Variants in SPAG16 observed in about 807,000 individuals in gnomAD.
SPAG16 encodes the protein sperm associated antigen 16.
A neutral mutation model predicts 80.4 loss-of-function variants in SPAG16; 86 were observed. That is an observed-to-expected ratio of 1.07 (90% confidence interval 0.90 to 1.28). The LOEUF is 1.28. Ranked by LOEUF, SPAG16 falls within the 50% of genes most tolerant of loss-of-function variation. SPAG16 has a pLI of 0.00. For synonymous variants in SPAG16, 294 were observed against 265.9 expected, an observed-to-expected ratio of 1.11 and a Z score of -1.03; for missense variants, 870 against 765.3, an observed-to-expected ratio of 1.14 and a Z score of -1.61.
At chr2:214,002,876 C>A (rs2046856483) in intron 12 of SPAG16, among the ~76,000 whole-genome samples, 1 of 152,166 alleles carries the variant, frequency 6.6e-6, no homozygotes, top group African/African-American at 2.4e-5. Flanking sequence ...TCTAGAAACA[C>A]CTTCACAGAC....
At chr2:213,868,249 ATT>A (rs72309764) in intron 11 of SPAG16, among the ~76,000 whole-genome samples, 90,054 of 151,362 alleles carry the variant, frequency 0.59, 28,629 homozygotes, top group South Asian at 0.85. Context: ...AAAAATGAGA[ATT>A]TTTTTTTTAT....
chr2:214,064,146 G>T (rs1393203233), intron 13 of SPAG16, among the ~76,000 whole-genome samples: 1 of 152,090 alleles, frequency 6.6e-6, no homozygotes, highest in East Asian at 1.9e-4. Context: ...CGTGTCTTTG[G>T]ATATGAGTAT....
At chr2:213,468,547 GTATT>G (rs1181121858) in intron 9 of SPAG16, among the ~76,000 whole-genome samples, 5 of 123,534 alleles carry the variant, frequency 4.0e-5, no homozygotes, top group Admixed American at 7.8e-5. Flanking sequence ...ATATATATAT[GTATT>G]TATATATAGA....
intron 15 of SPAG16, among the ~76,000 whole-genome samples, chr2:214,343,502 T>A (rs1697850343): frequency 6.6e-6 from 1 of 152,110 alleles, no homozygotes; most frequent in Non-Finnish European, 1.5e-5. Flanking sequence ...ATAAAATACA[T>A]GGCAAAACAC....
chr2:214,398,798 G>C (rs1701541908), intron 15 of SPAG16, among the ~76,000 whole-genome samples: 1 of 152,112 alleles, frequency 6.6e-6, no homozygotes, highest in African/African-American at 2.4e-5. Flanking sequence ...TTCCCCTCAG[G>C]CTGCAGGATA....
intron 15 of SPAG16, among the ~76,000 whole-genome samples, chr2:214,217,825 A>AGT (rs774134531): frequency 1.1e-4 from 16 of 152,108 alleles, no homozygotes; most frequent in Non-Finnish European, 2.2e-4. Context: ...CTTCCCTGGG[A>AGT]GTGGCTCATG....
At chr2:214,135,480 G>C (rs1301449372) in intron 14 of SPAG16, among the ~76,000 whole-genome samples, 1 of 152,000 alleles carries the variant, frequency 6.6e-6, no homozygotes, top group African/African-American at 2.4e-5. Context: ...TGGTTTCATG[G>C]GTCCCGGAGT....
At chr2:213,833,543 TATATA>T (rs1170759122) in intron 10 of SPAG16, among the ~76,000 whole-genome samples, 196 of 520 alleles carry the variant, frequency 0.38, 71 homozygotes, top group Non-Finnish European at 0.58. Context: ...ATATATAATA[TATATA>T]ATATATATAA....
At chr2:213,313,710 G>T (rs2063295098) in intron 4 of SPAG16, among the ~76,000 whole-genome samples, 2 of 151,856 alleles carry the variant, frequency 1.3e-5, no homozygotes, top group African/African-American at 4.8e-5. Context: ...ATTCAAATTT[G>T]TGCCTATTTT....
chr2:213,839,407 C>T (rs578186171), intron 10 of SPAG16, among the ~76,000 whole-genome samples: 39 of 152,192 alleles, frequency 2.6e-4, no homozygotes, highest in Middle Eastern at 3.4e-3. Flanking sequence ...TTTTCCATCT[C>T]TTCCAAAAAT....
intron 10 of SPAG16, among the ~76,000 whole-genome samples, chr2:213,640,614 C>T (rs1051739218): frequency 3.3e-5 from 5 of 152,132 alleles, no homozygotes; most frequent in African/African-American, 1.2e-4. Flanking sequence ...TCAGATCTCC[C>T]AGCTGTAAGT....
At chr2:213,422,710 C>T (rs995531321) in intron 9 of SPAG16, among the ~76,000 whole-genome samples, 7 of 152,184 alleles carry the variant, frequency 4.6e-5, no homozygotes, top group Admixed American at 3.9e-4. Context: ...TAATTTCTGA[C>T]CCAAGATGGA....
intron 10 of SPAG16, among the ~76,000 whole-genome samples, chr2:213,564,997 G>A (rs1003081825): frequency 1.1e-4 from 17 of 152,194 alleles, no homozygotes; most frequent in Middle Eastern, 3.4e-3. Flanking sequence ...AAACTTACTG[G>A]TTGTTTTATA....
intron 10 of SPAG16, among the ~76,000 whole-genome samples, chr2:213,490,472 T>G (rs73988512): frequency 0.014 from 2,170 of 152,294 alleles, 48 homozygotes; most frequent in African/African-American, 0.048. Flanking sequence ...TTTACTTGTT[T>G]GTTATGAGGA....
chr2:213,368,447 C>A (rs890061848), intron 8 of SPAG16, among the ~76,000 whole-genome samples: 1 of 152,172 alleles, frequency 6.6e-6, no homozygotes, highest in Non-Finnish European at 1.5e-5. Flanking sequence ...GACAAACCCA[C>A]AGCCAATATC....
At position 213,346,793 on chromosome 2, in the gene SPAG16, T is replaced by C. The variant is rs567611538; in HGVS notation, c.645-3735T>C. Reference sequence around the variant, plus strand: ...TGGATTCGGTTTGCCAGTATTTTATTGAGGATTTTTGCATCGATGTTCATC... The same window carrying C: ...TGGATTCGGTTTGCCAGTATTTTATCGAGGATTTTTGCATCGATGTTCATC... On this transcript the variant is annotated intron_variant, in intron 6 of 15. Coordinates refer to ENST00000331683, the MANE Select transcript of SPAG16 (RefSeq NM_024532.5). 2.2e-4 allele frequency among the ~76,000 whole-genome samples: 33 copies of C among 152,220 alleles called. No homozygotes were observed. In the South Asian group the frequency reaches 4.1e-3, roughly 19 times the overall value.
At chr2:214,131,015 C>T (rs1227419732) in intron 14 of SPAG16, among the ~76,000 whole-genome samples, 1 of 152,134 alleles carries the variant, frequency 6.6e-6, no homozygotes. Flanking sequence ...GGAAGTTGGG[C>T]CAGTCTATAT....
At chr2:213,479,098 T>G (rs1469447219) in intron 9 of SPAG16, among the ~76,000 whole-genome samples, 4 of 144,424 alleles carry the variant, frequency 2.8e-5, no homozygotes, top group African/African-American at 1.0e-4. Context: ...GGCTTCCTTT[T>G]TTTTTTTTTT....
At chr2:213,797,083 TATAGA>T (rs2071089443) in intron 10 of SPAG16, among the ~76,000 whole-genome samples, 1 of 151,884 alleles carries the variant, frequency 6.6e-6, no homozygotes, top group Non-Finnish European at 1.5e-5. Flanking sequence ...GAATCAACCT[TATAGA>T]ATAAGAATAT....
Sources: allele counts gnomAD v4.1 joint callset (sites outside exome capture counted in the v4.1 genomes callset), GRCh38; gene constraint gnomAD v4.1.1; transcripts MANE v1.5; gene names NCBI Gene and HGNC (gene_info 2026-07-23, HGNC 2026-07-21).